Variants in RASA3 observed in about 807,000 individuals in gnomAD.
RASA3 encodes the protein RAS p21 protein activator 3, also known as ras GTPase-activating protein 3.
In RASA3, 73 loss-of-function variants were observed where a neutral mutation model predicts 110.0. That is an observed-to-expected ratio of 0.66 (90% CI 0.55 to 0.81). The LOEUF is 0.81. Ranked by LOEUF, RASA3 falls within the 30% of genes least tolerant of loss-of-function variation. The pLI is 0.00. For synonymous variants in RASA3, 500 were observed against 451.4 expected (o/e 1.11, Z -1.37); for missense variants, 976 against 1,113.2 (o/e 0.88, Z 1.75).
intron 1 of RASA3, among the ~76,000 whole-genome samples, chr13:114,100,969 G>A (rs777000846): frequency 2.0e-4 from 31 of 152,160 alleles, no homozygotes; most frequent in Admixed American, 1.0e-3. Flanking sequence ...TTTGGACCAC[G>A]GCTGACCACA....
chr13:113,982,905 G>A (rs1337868472), intron 22 of RASA3, among the ~76,000 whole-genome samples: 2 of 152,204 alleles, frequency 1.3e-5, no homozygotes, highest in African/African-American at 2.4e-5. Context: ...GCACTGCTAC[G>A]CCCGGATCTC....
chr13:113,981,920 C>G lies in RASA3; in HGVS notation c.2246-62G>C, dbSNP rs913259894. 7.3e-6 allele frequency: 11 copies of G among 1,514,176 alleles called. No individual in the cohort carries two copies. In the Admixed American group the frequency reaches 1.8e-4, roughly 25 times the overall value. 93.8% of individuals were successfully genotyped at this position (1,514,176 alleles called of 1,614,324 possible). Reference sequence around the variant, plus strand: ...CCAGGCCACCGGCCCCGTCTCCACACAGCTGCGTCGCTGCAGGCCCCACCC... The same window carrying G: ...CCAGGCCACCGGCCCCGTCTCCACAGAGCTGCGTCGCTGCAGGCCCCACCC... On this transcript the variant is annotated intron_variant, in intron 22 of 23. Transcript: ENST00000334062.
chr13:114,125,940 C>CGGGGCA, intron 1 of RASA3, among the ~76,000 whole-genome samples: 3 of 117,648 alleles, frequency 2.5e-5, no homozygotes, highest in Non-Finnish European at 5.4e-5. Context: ...CCGGCACCTG[C>CGGGGCA]TGCCCAACCT....
intron 3 of RASA3, among the ~76,000 whole-genome samples, chr13:114,042,986 C>G (rs558584218): frequency 1.3e-5 from 2 of 152,342 alleles, no homozygotes; most frequent in Admixed American, 1.3e-4. Context: ...CGTCCCCACC[C>G]TGCGAGGTCC....
At chr13:114,026,386 C>T (rs1173447376) in intron 7 of RASA3, among the ~76,000 whole-genome samples, 2 of 152,240 alleles carry the variant, frequency 1.3e-5, no homozygotes, top group African/African-American at 4.8e-5. Flanking sequence ...CTGGCAAAAC[C>T]ATCTTCTCCG....
intron 21 of RASA3, among the ~76,000 whole-genome samples, chr13:113,995,648 G>A (rs562038259): frequency 0.01 from 1,434 of 138,874 alleles, 42 homozygotes; most frequent in African/African-American, 0.037. Flanking sequence ...CCCAGCTGAC[G>A]GGGGGCCCAG....
At chr13:113,998,234 A>C (rs1429193360) in intron 20 of RASA3, among the ~76,000 whole-genome samples, 1 of 152,118 alleles carries the variant, frequency 6.6e-6, no homozygotes, top group Admixed American at 6.6e-5. Context: ...GCAGGCATTG[A>C]GCCCACACCC....
Position 114,076,974 on chromosome 13 carries a change from G to C in RASA3, c.56-3137C>G, listed in dbSNP as rs1053357963. Among the ~76,000 whole-genome samples, 8 of 152,194 alleles carry C rather than the reference G, an allele frequency of 5.3e-5. No individual in the cohort carries two copies. In the East Asian group the frequency reaches 5.8e-4, roughly 11 times the overall value. On this transcript the variant is annotated intron_variant, in intron 1 of 23. Transcript: ENST00000334062. ...TTGTCTTTGGGAGTTTTTTGTTTTTGTTTTGTTTTCTGGGATTTCTTTGTT... is the reference window on the plus strand; with the variant it reads ...TTGTCTTTGGGAGTTTTTTGTTTTTCTTTTGTTTTCTGGGATTTCTTTGTT...
chr13:114,132,490 G>A lies in RASA3; in HGVS notation c.-1C>T. 1 of 1,480,894 alleles carries A rather than the reference G, an allele frequency of 6.8e-7. No homozygotes were observed. Among genetic ancestry groups the A allele is most frequent in the South Asian group, 1.3e-5 (1 of 78,670 alleles). 91.7% of individuals were successfully genotyped at this position (1,480,894 alleles called of 1,614,324 possible). A position where few individuals can be genotyped will look rare whatever the true frequency, so the allele number is the denominator to read the frequency against. ...GGAGCCCCTCGTCCTCCACCGCCAT[G>A]CTGCGCGTCCGCGCCCGCCGAGCCT... On this transcript the variant is annotated 5_prime_UTR_variant, in exon 1 of 24. Transcript: ENST00000334062.
Position 114,101,061 on chromosome 13 carries a change from G to A in RASA3, c.56-27224C>T, listed in dbSNP as rs182740555. Among the ~76,000 whole-genome samples, 40 of 152,282 alleles carry A rather than the reference G, an allele frequency of 2.6e-4. No individual in the cohort carries two copies. In the East Asian group the frequency reaches 7.1e-3, roughly 27 times the overall value. On this transcript the variant is annotated intron_variant, in intron 1 of 23. Coordinates refer to ENST00000334062, the MANE Select transcript of RASA3 (RefSeq NM_007368.4). ...CCTGGGGGCCTGAGGAGCAGCCGGG[G>A]GTGTAGGGACAGGGGCTCCCCACAC...
At position 114,121,660 on chromosome 13, in the gene RASA3, G is replaced by C. The variant is rs546898900; in HGVS notation, c.55+10775C>G. On this transcript the variant is annotated intron_variant, in intron 1 of 23. Coordinates refer to ENST00000334062, the MANE Select transcript of RASA3 (RefSeq NM_007368.4). ...GGCACAGCTCGACCTTTGACCTTCG[G>C]CTTCCCCAGAGAAAGACTTTGAACG... Among the ~76,000 whole-genome samples, 6 of 152,344 alleles carry C rather than the reference G, an allele frequency of 3.9e-5. No homozygotes were observed. In the South Asian group the frequency reaches 1.2e-3, roughly 32 times the overall value.
chr13:114,037,843 G>C (rs1366342667), intron 4 of RASA3, among the ~76,000 whole-genome samples: 1 of 152,160 alleles, frequency 6.6e-6, no homozygotes, highest in Admixed American at 6.5e-5. Flanking sequence ...GCAGTGCCTG[G>C]GGAAGCCGGG....
intron 22 of RASA3, among the ~76,000 whole-genome samples, chr13:113,990,605 T>G (rs1770990053): frequency 6.6e-6 from 1 of 152,246 alleles, no homozygotes; most frequent in South Asian, 2.1e-4. Flanking sequence ...TTGTGCCATC[T>G]TCACAGTATC....
rs570831582 is a variant in RASA3, at chr13:114,009,854, G to A, written c.1591-390C>T. Among the ~76,000 whole-genome samples the A allele has an allele frequency of 1.9e-3, 297 of 152,356 alleles. 1 individual carries two copies. The highest frequency in any genetic ancestry group is 0.017 in the Middle Eastern group (5 of 294). On this transcript the variant is annotated intron_variant, in intron 16 of 23. Transcript: ENST00000334062. The stretch of plus-strand genomic sequence containing the variant: ...GAGCCCCCACGCCCATCTCTCGCCC[G>A]TGGGGCATAAGGGCCGCTCTGAGGT...
In RASA3 at chr13:113,979,177, G is replaced by A. The variant is rs74116410; in HGVS notation, c.*170C>T. 3,551 of 633,426 alleles carry A rather than the reference G, an allele frequency of 5.6e-3. 92 individuals are homozygous for A. The African/African-American group carries it at 0.056, about 10-fold the overall frequency. The allele number at this position is 633,426 out of a possible 1,614,324, so 39.2% of individuals were successfully genotyped here. A position where few individuals can be genotyped will look rare whatever the true frequency, so the allele number is the denominator to read the frequency against. ...GTGGGCTTTCTGCGGAGGGCGTGGC[G>A]GTGGTGGCAGCGGTTCTGGGAGAGG... On this transcript the variant is annotated 3_prime_UTR_variant, in exon 24 of 24. Coordinates refer to ENST00000334062, the MANE Select transcript of RASA3 (RefSeq NM_007368.4).
rs2053379248 is a variant in RASA3 at position 114,000,880 on chromosome 13, TA to T, written c.1794del (p.Phe598LeufsTer8). The T allele has an allele frequency of 6.2e-7, 1 of 1,613,832 alleles. No homozygotes were observed. The highest frequency in any genetic ancestry group is 8.5e-7 in the Non-Finnish European group (1 of 1,179,904). On this transcript the variant is annotated frameshift_variant, in exon 19 of 24. Coordinates refer to ENST00000334062, the MANE Select transcript of RASA3 (RefSeq NM_007368.4). LOFTEE classifies it high-confidence loss of function. ...TTGGTCAAGCGAAACCATCTCTTCT[TA>T]AAATTCTTCATCCCAAAGCGCTTCC... is the stretch of plus-strand genomic sequence containing the variant. The part of the protein sequence containing the change: ...QGRKRFGMKN[F>X]KKRWFRLTNH...
At position 114,132,585 on chromosome 13, in the gene RASA3, G is replaced by A. The variant is rs2080538200; in HGVS notation, c.-96C>T. On this transcript the variant is annotated 5_prime_UTR_variant, in exon 1 of 24. Transcript: ENST00000334062. ...AGGAGCGGCGGCGCCGGAGCCCCGAGCGCGGCCGAGGGTCCGCCCGCCTGC... is the reference window on the plus strand; with the variant it reads ...AGGAGCGGCGGCGCCGGAGCCCCGAACGCGGCCGAGGGTCCGCCCGCCTGC... 1 of 1,099,024 alleles carries A rather than the reference G, an allele frequency of 9.1e-7. No homozygotes were observed. The highest frequency in any genetic ancestry group is 1.1e-6 in the Non-Finnish European group (1 of 877,670). The allele number at this position is 1,099,024 out of a possible 1,614,324, so 68.1% of individuals were successfully genotyped here. A position where few individuals can be genotyped will look rare whatever the true frequency, so the allele number is the denominator to read the frequency against.
chr13:114,055,941 A>C (rs2079237759), intron 2 of RASA3, among the ~76,000 whole-genome samples: 1 of 152,202 alleles, frequency 6.6e-6, no homozygotes, highest in Non-Finnish European at 1.5e-5. Flanking sequence ...CCTCAGAACC[A>C]CCGGCACCGA....
rs968638417 is a variant in RASA3, at chr13:114,114,869, C to T, written c.55+17566G>A. ...GACCCATAGCTCCCAGCTCCAGGGA[C>T]GACGCGGGGGTGCTAAGCTGGTAAG... is the stretch of plus-strand genomic sequence containing the variant. On this transcript the variant is annotated intron_variant, in intron 1 of 23. Transcript: ENST00000334062. The surrounding 1 kb of genome is among the most constrained non-coding windows in gnomAD (Gnocchi z 4.8). Among the ~76,000 whole-genome samples, 15 of 152,162 alleles carry T rather than the reference C, an allele frequency of 9.9e-5. No homozygotes were observed. Among genetic ancestry groups the T allele is most frequent in the African/African-American group, 2.7e-4 (11 of 41,446 alleles).
Sources: allele counts gnomAD v4.1 joint callset (sites outside exome capture counted in the v4.1 genomes callset), GRCh38; gene constraint gnomAD v4.1.1; non-coding constraint Gnocchi (gnomAD v3.1); transcripts MANE v1.5; gene names NCBI Gene and HGNC (gene_info 2026-07-23, HGNC 2026-07-21).